The following CDK2AP1 variants were observed in gnomAD, a reference collection of about 807,000 sequenced individuals.
The protein encoded by CDK2AP1 is cyclin dependent kinase 2 associated protein 1.
A neutral mutation model predicts 14.1 loss-of-function variants in CDK2AP1; 10 were observed. That is an observed-to-expected ratio of 0.71 (90% CI 0.44 to 1.20). The LOEUF is 1.20. Among genes scored for constraint, CDK2AP1 ranks in the 50% most tolerant of loss-of-function variants. The pLI, the probability that CDK2AP1 is intolerant of heterozygous loss-of-function variation, is 0.00. For synonymous variants in CDK2AP1, 59 were observed against 59.8 expected, an observed-to-expected ratio of 0.99 and a Z score of 0.06; for missense variants, 102 against 149.9, an observed-to-expected ratio of 0.68 and a Z score of 1.67.
chr12:123,264,328 C>T (rs2048264864), intron 3 of CDK2AP1, among the ~76,000 whole-genome samples: 1 of 151,470 alleles, frequency 6.6e-6, no homozygotes, highest in East Asian at 1.9e-4. Context: ...GGTGTGGTGG[C>T]ACATGCCTGT....
intron 2 of CDK2AP1, among the ~76,000 whole-genome samples, chr12:123,266,170 G>A (rs377587442): frequency 2.6e-5 from 4 of 152,114 alleles, no homozygotes; most frequent in African/African-American, 4.8e-5. Flanking sequence ...CTCCACCACC[G>A]CCTCTGTCCC....
chr12:123,269,646 G>A (rs899755013), intron 1 of CDK2AP1, among the ~76,000 whole-genome samples: 4 of 152,174 alleles, frequency 2.6e-5, no homozygotes, highest in East Asian at 1.9e-4. Context: ...CTGGGGAGCT[G>A]GCGGCCTTCC....
chr12:123,267,589 A>C, intron 1 of CDK2AP1: 1 of 328,114 alleles, frequency 3.0e-6, no homozygotes, highest in Non-Finnish European at 5.9e-6. Flanking sequence ...CCTGGCCTGA[A>C]CTCTGCCCAT....
At chr12:123,264,488 A>AAAAAAAAAAAAAAAAAAAAAAACC (rs2048268197) in intron 3 of CDK2AP1, among the ~76,000 whole-genome samples, 1 of 110,136 alleles carries the variant, frequency 9.1e-6, no homozygotes, top group Non-Finnish European at 2.1e-5. Context: ...AAAAAAAAAA[A>AAAAAAAAAAAAAAAAAAAAAAACC]AAAGAGCCCC....
intron 1 of CDK2AP1, 139 bp downstream of exon 1, chr12:123,271,425 G>T (rs1326407278): frequency 3.6e-6 from 1 of 276,222 alleles, no homozygotes; most frequent in Non-Finnish European, 5.4e-6. Flanking sequence ...TCATGGCGGC[G>T]GCAGCGCTGC....
At chr12:123,266,685 A>T (rs1229557649) in intron 2 of CDK2AP1, among the ~76,000 whole-genome samples, 1 of 152,144 alleles carries the variant, frequency 6.6e-6, no homozygotes, top group Non-Finnish European at 1.5e-5. Flanking sequence ...CACAGTCTGG[A>T]AAGTGGTGGA....
Position 123,261,753 on chromosome 12 carries a change from G to A in CDK2AP1, c.331C>T (p.Arg111Trp), listed in dbSNP as rs141641921. 8.1e-6 allele frequency: 13 copies of A among 1,613,594 alleles called. No individual in the cohort carries two copies. Among genetic ancestry groups the A allele is most frequent in the African/African-American group, 1.3e-5 (1 of 74,902 alleles). ...LVRECLAETE[R>W]NARS is the part of the protein sequence containing the mutation. ...CAAGGCAGCTAGGATCTGGCATTCC[G>A]TTCCGTTTCTGCCAAGCACTCCCGA... Residue 111 changes from arginine (R) to tryptophan (W), a missense_variant, in exon 4 of 4, where the codon CGG (arginine) becomes TGG (tryptophan). Transcript: ENST00000261692.
rs1005515855 is a variant in CDK2AP1 at position 123,261,652 on chromosome 12, C to G, written c.*84G>C. On this transcript the variant is annotated 3_prime_UTR_variant, in exon 4 of 4. Transcript: ENST00000261692. ...AACGAAACTGTAACCATTTTGAAAA[C>G]AAGGGTTTCATCTGAACAGGGGAGA... 1.8e-6 allele frequency: 2 copies of G among 1,141,104 alleles called. No individual in the cohort carries two copies. The highest frequency in any genetic ancestry group is 1.5e-5 in the African/African-American group (1 of 66,160). The allele number at this position is 1,141,104 out of a possible 1,614,324, so 70.7% of individuals were successfully genotyped here. A position where few individuals can be genotyped will look rare whatever the true frequency, so the allele number is the denominator to read the frequency against.
intron 1 of CDK2AP1, among the ~76,000 whole-genome samples, chr12:123,271,343 G>A (rs2048352211): frequency 6.8e-6 from 1 of 147,080 alleles, no homozygotes; most frequent in Non-Finnish European, 1.5e-5. Context: ...CGGGCCGCCC[G>A]CCCCGCACCC....
chr12:123,265,017 G>A lies in CDK2AP1; in HGVS notation c.280+179C>T, dbSNP rs2138814512. On this transcript the variant is annotated intron_variant, in intron 3 of 3. Coordinates refer to ENST00000261692, the MANE Select transcript of CDK2AP1 (RefSeq NM_004642.4). This position sits in a 1 kb window ranked among gnomAD's most constrained non-coding sequence, Gnocchi z 5.3. Reference sequence around the variant, plus strand: ...AGACATCCAGCCCCCCAGGCCCCTCGCTACCAGACCCATCGCCTGCCTGAG... The same window carrying A: ...AGACATCCAGCCCCCCAGGCCCCTCACTACCAGACCCATCGCCTGCCTGAG... Among the ~76,000 whole-genome samples, 1 of 152,192 alleles carries A rather than the reference G, an allele frequency of 6.6e-6. No homozygotes were observed. The highest frequency in any genetic ancestry group is 1.5e-5 in the Non-Finnish European group (1 of 67,988).
chr12:123,268,187 T>G, intron 1 of CDK2AP1: 1 of 985,490 alleles, frequency 1.0e-6, no homozygotes, highest in Non-Finnish European at 1.2e-6. Context: ...CCTCGGCAGC[T>G]GCCCGCCTGC....
intron 1 of CDK2AP1, 125 bp from the exon 2 acceptor site, chr12:123,267,407 T>C (rs2048308774): frequency 1.5e-6 from 1 of 676,150 alleles, no homozygotes; most frequent in Non-Finnish European, 2.7e-6. Context: ...TGGAGAACCC[T>C]GCTCTCCACC....
At chr12:123,262,504 G>A (rs967364748) in intron 3 of CDK2AP1, 4 of 152,228 alleles carry the variant, frequency 2.6e-5, no homozygotes, top group African/African-American at 9.6e-5. Context: ...CAGAGCCTTG[G>A]AGAATGTTTT....
rs2048231634 is a variant in CDK2AP1, at chr12:123,261,433, G to A, written c.*303C>T. On this transcript the variant is annotated 3_prime_UTR_variant, in exon 4 of 4. Transcript: ENST00000261692. ...TATACAAAAGAGAAGATTAAAGGGA[G>A]ACAATGGTGTCTTGGAGGCAAACTA... 1 of 324,602 alleles carries A rather than the reference G, an allele frequency of 3.1e-6. No homozygotes were observed. The allele number at this position is 324,602 out of a possible 1,614,324, so 20.1% of individuals were successfully genotyped here. A position where few individuals can be genotyped will look rare whatever the true frequency, so the allele number is the denominator to read the frequency against.
chr12:123,263,342 T>C (rs2048253480), intron 3 of CDK2AP1, among the ~76,000 whole-genome samples: 3 of 152,084 alleles, frequency 2.0e-5, no homozygotes. Flanking sequence ...CACCCTGCTG[T>C]GACATGAGCT....
intron 3 of CDK2AP1, among the ~76,000 whole-genome samples, chr12:123,263,089 C>T (rs1454102329): frequency 6.6e-6 from 1 of 151,284 alleles, no homozygotes; most frequent in Admixed American, 6.6e-5. Flanking sequence ...TGGTGGGCGC[C>T]TATAATCCCA....
intron 1 of CDK2AP1, chr12:123,269,164 C>T (rs574622738): frequency 1.3e-5 from 2 of 152,782 alleles, no homozygotes; most frequent in East Asian, 3.9e-4. Context: ...CCACTCCTGG[C>T]TGTGTGACCT....
At position 123,271,029 on chromosome 12, in the gene CDK2AP1, GGCAGCCCGGCAGCCCC is replaced by G. The variant is rs1220790188; in HGVS notation, c.55+519_55+534del. 1.3e-4 allele frequency: 111 copies of G among 883,374 alleles called. No individual in the cohort carries two copies. The Admixed American group carries it at 1.3e-3, about 11-fold the overall frequency. 54.7% of individuals were successfully genotyped at this position (883,374 alleles called of 1,614,324 possible). On this transcript the variant is annotated intron_variant, in intron 1 of 3. Transcript: ENST00000261692. ...GCGGCCCCGCGACCTCAGGGCCCCC[GGCAGCCCGGCAGCCCC>G]GCAGCCCCGCAGCCCCGCAGCCCTC...
rs140598041 is a variant in CDK2AP1 at position 123,269,672 on chromosome 12, C to G, written c.55+1892G>C. On this transcript the variant is annotated intron_variant, in intron 1 of 3. Transcript: ENST00000261692. ...GCGGCCTTCCCGCCACTTGGGGCGC[C>G]TGGGGGGCTCTGGGGCGGGGGAGGC... Among the ~76,000 whole-genome samples the G allele has an allele frequency of 2.6e-3, 397 of 152,184 alleles. 7 individuals are homozygous for G. The East Asian group carries it at 0.05, about 19-fold the overall frequency.
Sources: gnomAD v4.1 joint callset for allele counts (sites outside exome capture counted in the v4.1 genomes callset) on GRCh38, gnomAD v4.1.1 for gene constraint, Gnocchi (gnomAD v3.1) non-coding constraint, MANE v1.5 for transcripts, NCBI Gene and HGNC (gene_info 2026-07-23, HGNC 2026-07-21) for gene names.